AXIN1: variants seen among roughly 807,000 people sequenced by gnomAD.
AXIN1 encodes the protein axin-1.
A neutral mutation model predicts 76.4 loss-of-function variants in AXIN1; 30 were observed. The ratio of observed to expected loss-of-function variants is 0.39; its 90% CI spans 0.29 to 0.53. The LOEUF (loss-of-function observed/expected upper bound fraction) is 0.53, where lower values mean the gene tolerates loss of function less well. AXIN1 is among the 20% of genes least tolerant of loss of function. AXIN1 has a pLI of 0.66. For missense variants in AXIN1, 1,140 were observed against 1,198.8 expected (o/e 0.95, Z 0.72); for synonymous variants, 545 against 501.4 (o/e 1.09, Z -1.16).
At chr16:316,949 C>T (rs571633565) in intron 2 of AXIN1, among the ~76,000 whole-genome samples, 3 of 152,332 alleles carry the variant, frequency 2.0e-5, no homozygotes, top group East Asian at 3.9e-4. Context: ...GTCACAGTGA[C>T]ACAAGATAAC....
At chr16:308,902 T>C (rs939947467) in intron 4 of AXIN1, among the ~76,000 whole-genome samples, 2 of 152,166 alleles carry the variant, frequency 1.3e-5, no homozygotes, top group Admixed American at 6.5e-5. Flanking sequence ...CATAAAGAAA[T>C]TCCTGACTTG....
chr16:350,553 G>C (rs577526435), intron 1 of AXIN1, among the ~76,000 whole-genome samples: 6 of 151,212 alleles, frequency 4.0e-5, no homozygotes, highest in Non-Finnish European at 7.4e-5. Context: ...TTACCCAAAC[G>C]TAACTTTTGA....
chr16:291,875 G>A (rs1471362602), intron 8 of AXIN1: 2 of 168,546 alleles, frequency 1.2e-5, no homozygotes, highest in East Asian at 1.7e-4. Context: ...CTGCCTCTGG[G>A]CCTTCACTCC....
At position 306,503 on chromosome 16, in the gene AXIN1, G is replaced by A. The variant is rs139443143; in HGVS notation, c.1117-2062C>T. ...TGTGTGGCCTTCCTGCCCTCCCGCC[G>A]TGGGCTCTGGCGCAGTCCTGGCTCT... is the stretch of plus-strand genomic sequence containing the variant. On this transcript the variant is annotated intron_variant, in intron 4 of 10. Transcript: ENST00000262320. 2.7e-3 allele frequency among the ~76,000 whole-genome samples: 406 copies of A among 152,338 alleles called. 1 individual carries two copies. The highest frequency in any genetic ancestry group is 4.7e-3 in the Non-Finnish European group (322 of 68,036).
rs3830173 is a variant in AXIN1 at position 297,283 on chromosome 16, T to C, written c.1785-57A>G. 1.9e-6 allele frequency: 3 copies of C among 1,595,062 alleles called. No homozygotes were observed. The Admixed American group carries it at 5.0e-5, about 27-fold the overall frequency. ...CCTCCGGTGGCCGAGGCTGTGCCCC[T>C]TCCTCGTCTGCGAGGCCCCCTCCTG... is the stretch of plus-strand genomic sequence containing the variant. On this transcript the variant is annotated intron_variant, in intron 6 of 10. Transcript: ENST00000262320.
chr16:315,316 C>T (rs1277521968), intron 2 of AXIN1, among the ~76,000 whole-genome samples: 1 of 152,138 alleles, frequency 6.6e-6, no homozygotes, highest in Non-Finnish European at 1.5e-5. Context: ...GGCAGTTTAG[C>T]GTATTTGTCA....
chr16:297,617 T>C (rs1596996502), intron 6 of AXIN1, 105 bp downstream of exon 6: 9 of 1,416,918 alleles, frequency 6.4e-6, no homozygotes, highest in Non-Finnish European at 7.4e-6. Context: ...CTCCTGCCTG[T>C]TGCTGGCGGT....
At chr16:335,345 A>C (rs1018729466) in intron 2 of AXIN1, among the ~76,000 whole-genome samples, 10 of 152,080 alleles carry the variant, frequency 6.6e-5, no homozygotes, top group Non-Finnish European at 1.2e-4. Flanking sequence ...ACCAGGACAC[A>C]CTAATAACAC....
At chr16:324,002 T>C (rs1169041777) in intron 2 of AXIN1, among the ~76,000 whole-genome samples, 1 of 151,950 alleles carries the variant, frequency 6.6e-6, no homozygotes, top group African/African-American at 2.4e-5. Flanking sequence ...GAGAGCCCCA[T>C]AGTCCATGGG....
At chr16:313,890 G>A (rs1027935184) in intron 3 of AXIN1, among the ~76,000 whole-genome samples, 1 of 152,132 alleles carries the variant, frequency 6.6e-6, no homozygotes, top group African/African-American at 2.4e-5. Context: ...CACCTCGAGC[G>A]TCACACATGT....
intron 2 of AXIN1, among the ~76,000 whole-genome samples, chr16:329,138 C>T (rs561241717): frequency 8.6e-5 from 13 of 151,882 alleles, no homozygotes; most frequent in African/African-American, 2.7e-4. Flanking sequence ...ATTAGCCAGG[C>T]GTGGTGGTGT....
At chr16:348,151 T>C (rs2361988) in intron 1 of AXIN1, among the ~76,000 whole-genome samples, 33,030 of 152,088 alleles carry the variant, frequency 0.22, 3,807 homozygotes, top group South Asian at 0.3. Flanking sequence ...ACCCCTGCCA[T>C]GGTCTATGGT....
At chr16:302,685 G>A (rs1302154250) in intron 5 of AXIN1, among the ~76,000 whole-genome samples, 2 of 152,184 alleles carry the variant, frequency 1.3e-5, no homozygotes, top group East Asian at 1.9e-4. Flanking sequence ...TGAGTGTACC[G>A]AGGGGTCTCC....
chr16:297,378 C>T, intron 6 of AXIN1, 152 bp from the exon 7 acceptor site: 1 of 1,040,242 alleles, frequency 9.6e-7, no homozygotes, highest in Non-Finnish European at 1.4e-6. Context: ...CACCCGCTGT[C>T]CCCCGCCAGC....
intron 2 of AXIN1, among the ~76,000 whole-genome samples, chr16:320,743 A>ATATTTTTTTTTT (rs397722732): frequency 6.9e-4 from 74 of 107,618 alleles, no homozygotes; most frequent in Admixed American, 1.2e-3. Context: ...ATATATATAT[A>ATATTTTTTTTTT]TTTTTTTTTT....
chr16:344,219 C>T (rs1413233852), intron 2 of AXIN1, among the ~76,000 whole-genome samples: 9 of 151,822 alleles, frequency 5.9e-5, no homozygotes, highest in Non-Finnish European at 1.3e-4. Flanking sequence ...ATCACGAGGT[C>T]AGGAGATCGA....
At chr16:291,514 A>G in intron 8 of AXIN1, 1 of 602,962 alleles carries the variant, frequency 1.7e-6, no homozygotes, top group Admixed American at 2.5e-5. Context: ...CACATTCATG[A>G]TCCCGGCACC....
Position 317,373 on chromosome 16 carries a change from C to T in AXIN1, c.879-2690G>A, listed in dbSNP as rs1027327470. On this transcript the variant is annotated intron_variant, in intron 2 of 10. Transcript: ENST00000262320. ...GAACACACAAGCAGGGCCTTTCATA[C>T]GAACAGTGCTGGTGACCGTGCTCAG... 5.3e-5 allele frequency among the ~76,000 whole-genome samples: 8 copies of T among 152,136 alleles called. No homozygotes were observed. In the East Asian group the frequency reaches 5.8e-4, roughly 11 times the overall value.
rs1202876564 is a variant in AXIN1, at chr16:295,840, G to A, written c.1955+1216C>T. On this transcript the variant is annotated intron_variant, in intron 7 of 10. Transcript: ENST00000262320. ...AAATCAGCCGGGCGTGGTGGCTCAC[G>A]CCTGTAATCCCAGCTACTCGGGAGG... Among the ~76,000 whole-genome samples the A allele has an allele frequency of 3.9e-5, 6 of 152,234 alleles. No individual in the cohort carries two copies. In the East Asian group the frequency reaches 9.7e-4, roughly 25 times the overall value.
Sources: gnomAD v4.1 joint callset for allele counts (sites outside exome capture counted in the v4.1 genomes callset) on GRCh38, gnomAD v4.1.1 for gene constraint, MANE v1.5 for transcripts, NCBI Gene and HGNC (gene_info 2026-07-23, HGNC 2026-07-21) for gene names.